Variants in TPO observed in about 807,000 individuals in gnomAD.
TPO encodes the protein thyroid peroxidase, also known as thyroid microsomal antigen.
TPO carries 78 observed loss-of-function variants against 96.9 expected under a neutral mutation model. The observed-to-expected ratio is 0.81, with a 90% confidence interval of 0.67 to 0.97. TPO has a LOEUF of 0.97. Ranked by LOEUF, TPO falls within the 50% of genes least tolerant of loss-of-function variation. The pLI is 0.00. For missense variants in TPO, 1,252 were observed against 1,274.8 expected (o/e 0.98, Z 0.27); for synonymous variants, 547 against 538.0 (o/e 1.02, Z -0.23).
Position 1,488,015 on chromosome 2 carries a change from C to T in TPO, c.1768+24C>T, listed in dbSNP as rs1469599867. ...AGGTCTGCCAGTTCCTTCCCTTGCA[C>T]ACCTCATGCAGCTGCTGCGGGATTT... On this transcript the variant is annotated intron_variant, in intron 10 of 16. Transcript: ENST00000329066. 1.7e-5 allele frequency: 28 copies of T among 1,611,900 alleles called. 1 individual carries two copies. The highest frequency in any genetic ancestry group is 2.1e-5 in the Non-Finnish European group (25 of 1,180,038).
intron 1 of TPO, chr2:1,413,790 A>G: frequency 4.1e-6 from 4 of 968,810 alleles, no homozygotes; most frequent in Non-Finnish European, 4.9e-6. Context: ...GCATGGACTC[A>G]CTGGTGCTAT....
chr2:1,531,312 C>A lies in TPO; in HGVS notation c.2619-9282C>A, dbSNP rs146980116. On this transcript the variant is annotated intron_variant, in intron 15 of 16. Coordinates refer to ENST00000329066, the MANE Select transcript of TPO (RefSeq NM_001206744.2). The stretch of plus-strand genomic sequence containing the variant: ...ATGTCAGCAACTTCCCTAAATCCCC[C>A]AACTGTGTTCAACCTCCCCAAATCC... 4.0e-3 allele frequency among the ~76,000 whole-genome samples: 495 copies of A among 123,018 alleles called. 35 individuals are homozygous for A. The highest frequency in any genetic ancestry group is 5.6e-3 in the Non-Finnish European group (322 of 57,504). 80.7% of individuals were successfully genotyped at this position (123,018 alleles called of 152,430 possible).
At chr2:1,471,996 C>T (rs1264358461) in intron 7 of TPO, among the ~76,000 whole-genome samples, 1 of 150,860 alleles carries the variant, frequency 6.6e-6, no homozygotes, top group Non-Finnish European at 1.5e-5. Context: ...ATGCCCTTCC[C>T]ATGATCTGAA....
At chr2:1,478,156 C>CATTT (rs144700000) in intron 8 of TPO, 36,746 of 985,396 alleles carry the variant, frequency 0.037, 814 homozygotes, top group East Asian at 0.12. Flanking sequence ...AACCTTTCTT[C>CATTT]ATTTTATGAC....
intron 5 of TPO, among the ~76,000 whole-genome samples, chr2:1,448,243 C>T (rs1220717529): frequency 6.6e-6 from 1 of 152,176 alleles, no homozygotes; most frequent in Non-Finnish European, 1.5e-5. Flanking sequence ...TCCGGCCTCG[C>T]GTGGGAGCCG....
Position 1,433,768 on chromosome 2 carries a change from G to T in TPO, c.349+161G>T, listed in dbSNP as rs185519377. On this transcript the variant is annotated intron_variant, in intron 4 of 16. Coordinates refer to ENST00000329066, the MANE Select transcript of TPO (RefSeq NM_001206744.2). ...CATACAAGCTGCAATTTTTAAAAAT[G>T]CTTACCAAACAGTCTCAATATCTTA... Among the ~76,000 whole-genome samples the T allele has an allele frequency of 6.5e-3, 986 of 152,298 alleles. 9 individuals are homozygous for T. Among genetic ancestry groups the T allele is most frequent in the African/African-American group, 0.023 (937 of 41,570 alleles).
chr2:1,502,786 T>A (rs1026030941), intron 13 of TPO, among the ~76,000 whole-genome samples: 4 of 152,218 alleles, frequency 2.6e-5, no homozygotes, highest in African/African-American at 9.6e-5. Context: ...ACCCTGCTAG[T>A]TGTCATAAGC....
intron 15 of TPO, among the ~76,000 whole-genome samples, chr2:1,528,342 ACCC>A (rs1334118124): frequency 2.0e-5 from 2 of 98,770 alleles, no homozygotes; most frequent in African/African-American, 8.6e-5. Context: ...CAAGTCTGCA[ACCC>A]CCCAAGTCCC....
chr2:1,402,048 C>A (rs28581348), intron 1 of TPO, among the ~76,000 whole-genome samples: 2 of 152,214 alleles, frequency 1.3e-5, no homozygotes, highest in South Asian at 4.1e-4. Flanking sequence ...TGCTCCTCAT[C>A]TGGATCAGAG....
chr2:1,497,022 G>A (rs1190650644), intron 13 of TPO, among the ~76,000 whole-genome samples: 2 of 152,168 alleles, frequency 1.3e-5, no homozygotes, highest in Admixed American at 6.5e-5. Context: ...GGAAGAGAGA[G>A]GGGAGTCCGT....
intron 16 of TPO, 124 bp downstream of exon 16, chr2:1,540,847 T>G (rs1027055857): frequency 6.4e-7 from 1 of 1,569,388 alleles, no homozygotes; most frequent in African/African-American, 1.4e-5. Context: ...CCTAGTCCGT[T>G]CTGCACCTTC....
chr2:1,440,209 C>T (rs28620935), intron 5 of TPO, among the ~76,000 whole-genome samples: 2 of 151,464 alleles, frequency 1.3e-5, no homozygotes, highest in East Asian at 1.9e-4. Flanking sequence ...CATTCCAAAG[C>T]GACCTTTGGG....
chr2:1,422,397 C>CTGACCTCGTG (rs1467468825), intron 2 of TPO, among the ~76,000 whole-genome samples: 1 of 54,876 alleles, frequency 1.8e-5, no homozygotes, highest in African/African-American at 1.0e-4. Context: ...CCGCGCTGGG[C>CTGACCTCGTG]CATGGGGAGA....
intron 7 of TPO, among the ~76,000 whole-genome samples, chr2:1,464,743 G>A (rs1668745610): frequency 6.6e-6 from 1 of 152,038 alleles, no homozygotes; most frequent in Admixed American, 6.5e-5. Context: ...TTTTTGATGG[G>A]ATTGTTTGGT....
Position 1,503,678 on chromosome 2 carries a change from G to A in TPO, c.2387-270G>A. ...CCCAGGCAGACCCTGATTTCCTCCA[G>A]GAAGTCTCCTGTGACTCGGGCCTGA... On this transcript the variant is annotated intron_variant, in intron 13 of 16. Transcript: ENST00000329066. The A allele has an allele frequency of 4.6e-6, 3 of 646,886 alleles. No homozygotes were observed. The South Asian group carries it at 4.8e-5, about 10-fold the overall frequency. 40.1% of individuals were successfully genotyped at this position (646,886 alleles called of 1,614,324 possible). A position where few individuals can be genotyped will look rare whatever the true frequency, so the allele number is the denominator to read the frequency against.
At chr2:1,526,998 TCCTCAAATCCC>T (rs1676695687) in intron 15 of TPO, among the ~76,000 whole-genome samples, 1 of 111,574 alleles carries the variant, frequency 9.0e-6, no homozygotes, top group Non-Finnish European at 1.7e-5. Flanking sequence ...GTGTGCAACC[TCCTCAAATCCC>T]CCCCACTGTG....
At chr2:1,503,289 A>G (rs900310764) in intron 13 of TPO, among the ~76,000 whole-genome samples, 2 of 152,146 alleles carry the variant, frequency 1.3e-5, no homozygotes, top group Non-Finnish European at 2.9e-5. Flanking sequence ...TGTTCCCCAC[A>G]CTGACAGCAC....
chr2:1,540,798 T>C (rs778933442), intron 16 of TPO, 75 bp downstream of exon 16: 1 of 1,611,552 alleles, frequency 6.2e-7, no homozygotes, highest in African/African-American at 1.3e-5. Context: ...GGAGCAGCTC[T>C]GCTGGGGCTC....
rs991114721 is a variant in TPO at position 1,526,597 on chromosome 2, A to G, written c.2618+9615A>G. On this transcript the variant is annotated intron_variant, in intron 15 of 16. Transcript: ENST00000329066. ...TCCCACGCCACTGTGAGCAACCTCC[A>G]CAAATCCCCCCAACTCTGTGCAACC... Among the ~76,000 whole-genome samples the G allele has an allele frequency of 3.1e-3, 358 of 115,832 alleles. 1 individual carries two copies. The highest frequency in any genetic ancestry group is 6.6e-3 in the Admixed American group (76 of 11,546). The allele number at this position is 115,832 out of a possible 152,430, so 76.0% of individuals were successfully genotyped here. A position where few individuals can be genotyped will look rare whatever the true frequency, so the allele number is the denominator to read the frequency against.
Sources: gnomAD v4.1 joint callset for allele counts (sites outside exome capture counted in the v4.1 genomes callset) on GRCh38, gnomAD v4.1.1 for gene constraint, MANE v1.5 for transcripts, NCBI Gene and HGNC (gene_info 2026-07-23, HGNC 2026-07-21) for gene names.